The following RIMKLB variants were observed in gnomAD, a reference collection of about 807,000 sequenced individuals.
The protein encoded by RIMKLB is beta-citrylglutamate synthase B.
RIMKLB carries 7 observed loss-of-function variants against 32.0 expected under a neutral mutation model. The observed-to-expected ratio is 0.22, with a 90% CI of 0.12 to 0.41. The LOEUF (loss-of-function observed/expected upper bound fraction) is 0.41, where lower values mean the gene tolerates loss of function less well. RIMKLB is among the 10% of genes least tolerant of loss of function. The pLI is 1.00. For synonymous variants in RIMKLB, 172 were observed against 185.1 expected, an observed-to-expected ratio of 0.93 and a Z score of 0.57; for missense variants, 289 against 498.7, an observed-to-expected ratio of 0.58 and a Z score of 4.00.
upstream of RIMKLB, among the ~76,000 whole-genome samples, chr12:8,680,209 G>A (rs962061504): frequency 6.6e-6 from 1 of 152,132 alleles, no homozygotes; most frequent in African/African-American, 2.4e-5. Flanking sequence ...ACGCTGGAGC[G>A]CAGTGGCGCG....
chr12:8,755,016 A>G (rs752009956), intron 5 of RIMKLB, among the ~76,000 whole-genome samples: 5 of 152,184 alleles, frequency 3.3e-5, no homozygotes, highest in Non-Finnish European at 5.9e-5. Flanking sequence ...CAGTGGTGCA[A>G]TCTCAGCTCA....
intron 5 of RIMKLB, among the ~76,000 whole-genome samples, chr12:8,766,396 G>A (rs965230022): frequency 6.6e-6 from 1 of 152,154 alleles, no homozygotes; most frequent in South Asian, 2.1e-4. Context: ...CTAGAGCTGG[G>A]CTGGGTTCCT....
chr12:8,676,897 C>T (rs184355874), upstream of RIMKLB, among the ~76,000 whole-genome samples: 1 of 152,038 alleles, frequency 6.6e-6, no homozygotes, highest in Non-Finnish European at 1.5e-5. Flanking sequence ...TACCAAGGGA[C>T]TCTATTGCTT....
At chr12:8,698,873 G>T (rs1365641790) in intron 1 of RIMKLB, among the ~76,000 whole-genome samples, 1 of 152,096 alleles carries the variant, frequency 6.6e-6, no homozygotes, top group East Asian at 1.9e-4. Context: ...ATGAGAAGGG[G>T]ATGACCAAAT....
chr12:8,691,653 G>C (rs1942737201), intron 1 of RIMKLB, among the ~76,000 whole-genome samples: 1 of 152,094 alleles, frequency 6.6e-6, no homozygotes, highest in Non-Finnish European at 1.5e-5. Context: ...AAATAGGACA[G>C]GTTAAGAATT....
At chr12:8,694,048 G>A (rs1942811200), upstream of RIMKLB, among the ~76,000 whole-genome samples, 1 of 152,050 alleles carries the variant, frequency 6.6e-6, no homozygotes, top group Non-Finnish European at 1.5e-5. Context: ...TTCGAGGCCA[G>A]CCTGGCCAAC....
rs757483238 is a variant in RIMKLB at position 8,690,923 on chromosome 12, A to AAAAAC, written n.219+9120_219+9124dup. On this transcript the variant is annotated intron_variant and non_coding_transcript_variant, in intron 1 of 1. Coordinates refer to the RIMKLB transcript ENST00000538758. ...GGCGACAGAGCGAGAGTCCGTCTCA[A>AAAAAC]AAAACAAAACAAAACAAAAAAAGAA... Among the ~76,000 whole-genome samples the AAAAAC allele has an allele frequency of 1.7e-4, 26 of 152,256 alleles. No individual in the cohort carries two copies. In the East Asian group the frequency reaches 3.1e-3, roughly 18 times the overall value.
At chr12:8,745,260 T>G (rs757190139) in intron 2 of RIMKLB, among the ~76,000 whole-genome samples, 1 of 151,860 alleles carries the variant, frequency 6.6e-6, no homozygotes, top group East Asian at 1.9e-4. Flanking sequence ...TGCTGGTTTG[T>G]TTTTTTAACT....
intron 2 of RIMKLB, among the ~76,000 whole-genome samples, chr12:8,724,563 G>A (rs1375391926): frequency 2.6e-5 from 4 of 152,186 alleles, no homozygotes; most frequent in African/African-American, 7.2e-5. Context: ...CTCATGCAGA[G>A]ATTTCTGTAT....
intron 5 of RIMKLB, among the ~76,000 whole-genome samples, chr12:8,763,570 G>A (rs1347286335): frequency 2.0e-5 from 3 of 152,306 alleles, no homozygotes; most frequent in Admixed American, 1.3e-4. Flanking sequence ...TACGTTCCTC[G>A]CTGAGCGCCT....
chr12:8,700,783 T>C (rs1378578102), intron 1 of RIMKLB, among the ~76,000 whole-genome samples: 1 of 152,162 alleles, frequency 6.6e-6, no homozygotes, highest in Non-Finnish European at 1.5e-5. Flanking sequence ...TGTAATTATG[T>C]GGCCTGGCGC....
At chr12:8,720,128 CG>C (rs1945289675) in intron 2 of RIMKLB, among the ~76,000 whole-genome samples, 2 of 152,042 alleles carry the variant, frequency 1.3e-5, no homozygotes, top group African/African-American at 2.4e-5. Flanking sequence ...GGATAGAGTC[CG>C]GATTTGAGCC....
chr12:8,764,466 C>A (rs1230193002), intron 5 of RIMKLB, among the ~76,000 whole-genome samples: 1 of 152,142 alleles, frequency 6.6e-6, no homozygotes, highest in Non-Finnish European at 1.5e-5. Flanking sequence ...CCAGTCACAA[C>A]TTAGTGGCTG....
At chr12:8,700,742 A>G (rs1349087690) in intron 1 of RIMKLB, 2 of 152,238 alleles carry the variant, frequency 1.3e-5, no homozygotes, top group Non-Finnish European at 2.9e-5. Flanking sequence ...GGATTAAGTC[A>G]CAAGCAAATG....
intron 2 of RIMKLB, among the ~76,000 whole-genome samples, chr12:8,747,076 TC>T (rs1308585485): frequency 2.0e-5 from 3 of 152,082 alleles, no homozygotes; most frequent in Non-Finnish European, 2.9e-5. Context: ...TGGTGGATTC[TC>T]AAGATGGAAT....
rs565248992 is a variant in RIMKLB at position 8,753,886 on chromosome 12, A to G, written c.494-4A>G. 6.8e-6 allele frequency: 11 copies of G among 1,612,198 alleles called. No individual in the cohort carries two copies. The highest frequency in any genetic ancestry group is 1.7e-4 in the Middle Eastern group (1 of 6,050). On this transcript the variant is annotated splice_polypyrimidine_tract_variant and splice_region_variant and intron_variant, in intron 4 of 5. Coordinates refer to ENST00000535829, the MANE Select transcript of RIMKLB (RefSeq NM_001297776.2). ...ACATGTATTTTTATTCTTTTCAATC[A>G]TAGGTAAAGCTGTTTTCTTGGCTCG...
At chr12:8,781,986 A>G (rs1326983471), downstream of RIMKLB, among the ~76,000 whole-genome samples, 2 of 151,226 alleles carry the variant, frequency 1.3e-5, no homozygotes, top group Admixed American at 6.6e-5. Flanking sequence ...TGAAAGGCAT[A>G]TGGTTCTTAT....
upstream of RIMKLB, chr12:8,697,382 A>G (rs1942930011): frequency 1.3e-5 from 2 of 152,608 alleles, no homozygotes; most frequent in Non-Finnish European, 2.9e-5. Context: ...GGGAGGAACC[A>G]CCGTAAGCGG....
At chr12:8,743,477 G>C (rs1195249438) in intron 2 of RIMKLB, among the ~76,000 whole-genome samples, 4 of 151,556 alleles carry the variant, frequency 2.6e-5, no homozygotes. Flanking sequence ...CTTGATTCCT[G>C]AGAAGAAAAC....
Sources: allele counts gnomAD v4.1 joint callset (sites outside exome capture counted in the v4.1 genomes callset), GRCh38; gene constraint gnomAD v4.1.1; transcripts MANE v1.5; gene names NCBI Gene and HGNC (gene_info 2026-07-23, HGNC 2026-07-21).